The following VSNL1 variants were observed in gnomAD, a reference collection of about 807,000 sequenced individuals.
The protein encoded by VSNL1 is visinin-like protein 1.
In VSNL1, 6 loss-of-function variants were observed where a neutral mutation model predicts 20.4. That is an observed-to-expected ratio of 0.29 (90% CI 0.16 to 0.58). The LOEUF (loss-of-function observed/expected upper bound fraction) is 0.58, where lower values mean the gene tolerates loss of function less well. Ranked by LOEUF, VSNL1 falls within the 20% of genes least tolerant of loss-of-function variation. VSNL1 has a pLI of 0.90. For missense variants in VSNL1, 100 were observed against 234.5 expected, an observed-to-expected ratio of 0.43 and a Z score of 3.75; for synonymous variants, 93 against 86.4, an observed-to-expected ratio of 1.08 and a Z score of -0.42.
At chr2:17,602,168 T>C (rs972119313) in intron 2 of VSNL1, among the ~76,000 whole-genome samples, 3 of 152,176 alleles carry the variant, frequency 2.0e-5, no homozygotes, top group Non-Finnish European at 4.4e-5. Context: ...TGCCCTCCAG[T>C]GGCCCATGGA....
chr2:17,553,855 G>T (rs1663610381), intron 1 of VSNL1, among the ~76,000 whole-genome samples: 1 of 152,100 alleles, frequency 6.6e-6, no homozygotes, highest in Admixed American at 6.5e-5. Flanking sequence ...ACTCATTGGT[G>T]GTTATTATTA....
rs62132131 is a variant in VSNL1 at position 17,598,263 on chromosome 2, C to T, written c.162+6027C>T. ...TAATTATAGGATTTTAGGTGCATAA[C>T]CTCTGTCTTATAGAATATGAAATAA... On this transcript the variant is annotated intron_variant, in intron 2 of 3. Transcript: ENST00000295156. Among the ~76,000 whole-genome samples the T allele has an allele frequency of 7.3e-3, 1,109 of 152,326 alleles. 6 individuals carry two copies. The highest frequency in any genetic ancestry group is 0.012 in the Admixed American group (185 of 15,294).
At chr2:17,548,896 T>A (rs987732743) in intron 1 of VSNL1, among the ~76,000 whole-genome samples, 1 of 152,212 alleles carries the variant, frequency 6.6e-6, no homozygotes, top group Middle Eastern at 3.2e-3. Flanking sequence ...TTCATTTGTT[T>A]AAGACATGTC....
At chr2:17,569,568 A>G (rs1437056927) in intron 1 of VSNL1, among the ~76,000 whole-genome samples, 3 of 151,962 alleles carry the variant, frequency 2.0e-5, no homozygotes, top group Admixed American at 6.5e-5. Context: ...TAGCTTCATT[A>G]TCTCTTAATG....
At chr2:17,599,867 T>A (rs1419638405) in intron 2 of VSNL1, among the ~76,000 whole-genome samples, 1 of 152,016 alleles carries the variant, frequency 6.6e-6, no homozygotes, top group East Asian at 1.9e-4. Flanking sequence ...GTCCTGGGAG[T>A]CACATTCAGG....
chr2:17,611,437 G>A (rs1665084009), intron 2 of VSNL1, among the ~76,000 whole-genome samples: 1 of 152,242 alleles, frequency 6.6e-6, no homozygotes, highest in Non-Finnish European at 1.5e-5. Flanking sequence ...GAGGGTGTCA[G>A]TGATTATGCT....
chr2:17,568,404 A>G (rs868363595), intron 1 of VSNL1, among the ~76,000 whole-genome samples: 2 of 152,148 alleles, frequency 1.3e-5, no homozygotes, highest in Non-Finnish European at 1.5e-5. Flanking sequence ...AGTAGCTAGG[A>G]CTATAGGTAC....
chr2:17,592,651 T>C (rs1008262615), intron 2 of VSNL1, among the ~76,000 whole-genome samples: 1,464 of 40,628 alleles, frequency 0.036, 116 homozygotes, highest in African/African-American at 0.11. Flanking sequence ...TTTTTTTTTT[T>C]TTTTTTTTTT....
intron 2 of VSNL1, among the ~76,000 whole-genome samples, chr2:17,595,523 A>G (rs953555242): frequency 1.3e-5 from 2 of 152,178 alleles, no homozygotes; most frequent in African/African-American, 4.8e-5. Context: ...TTTAGAAAAC[A>G]AAATTGTCCC....
At chr2:17,607,792 A>T (rs1664983088) in intron 2 of VSNL1, among the ~76,000 whole-genome samples, 1 of 152,284 alleles carries the variant, frequency 6.6e-6, no homozygotes, top group Non-Finnish European at 1.5e-5. Flanking sequence ...AGCTTAACTG[A>T]AACTCAGTTG....
chr2:17,628,323 A>C (rs2103409421), intron 2 of VSNL1, among the ~76,000 whole-genome samples: 1 of 152,330 alleles, frequency 6.6e-6, no homozygotes, highest in East Asian at 1.9e-4. Flanking sequence ...GAATTTGAAT[A>C]AAAACAAATA....
At chr2:17,566,560 GT>G (rs1245115394) in intron 1 of VSNL1, among the ~76,000 whole-genome samples, 1 of 151,938 alleles carries the variant, frequency 6.6e-6, no homozygotes, top group Admixed American at 6.5e-5. Flanking sequence ...TAATAGGATT[GT>G]TTGTCTTTTT....
intron 1 of VSNL1, among the ~76,000 whole-genome samples, chr2:17,566,429 A>AT (rs1202458026): frequency 1.3e-5 from 2 of 152,130 alleles, no homozygotes; most frequent in African/African-American, 2.4e-5. Context: ...ATAATATTAA[A>AT]TTTTTAAATC....
intron 1 of VSNL1, among the ~76,000 whole-genome samples, chr2:17,579,890 C>G (rs1355451037): frequency 1.4e-4 from 22 of 152,146 alleles, no homozygotes; most frequent in Admixed American, 1.0e-3. Flanking sequence ...TAGGCTCATT[C>G]TATTTAGCTC....
intron 2 of VSNL1, among the ~76,000 whole-genome samples, chr2:17,597,000 T>C (rs1664726212): frequency 6.6e-6 from 1 of 152,218 alleles, no homozygotes; most frequent in Non-Finnish European, 1.5e-5. Flanking sequence ...GAAAATAAGT[T>C]TCATTTCACA....
intron 1 of VSNL1, among the ~76,000 whole-genome samples, chr2:17,563,027 C>T (rs1663854935): frequency 6.6e-6 from 1 of 152,182 alleles, no homozygotes; most frequent in Non-Finnish European, 1.5e-5. Flanking sequence ...TTAACACTAC[C>T]TCCTTGAACT....
rs182317767 is a variant in VSNL1 at position 17,545,032 on chromosome 2, C to T, written c.-6+4114C>T. Among the ~76,000 whole-genome samples the T allele has an allele frequency of 1.4e-4, 22 of 152,182 alleles. No homozygotes were observed. In the East Asian group the frequency reaches 3.7e-3, roughly 25 times the overall value. On this transcript the variant is annotated intron_variant, in intron 1 of 3. Coordinates refer to ENST00000295156, the MANE Select transcript of VSNL1 (RefSeq NM_003385.5). ...TTTTTTTATCTTAAAGACACCCCTA[C>T]AATATGAATTCGTTGTCTGGAAAAG... is the stretch of plus-strand genomic sequence containing the variant.
At position 17,655,308 on chromosome 2, in the gene VSNL1, G is replaced by A; in HGVS notation, c.490G>A (p.Asp164Asn). The change falls in exon 4 of 4, where the codon GAC becomes AAC. Residue 164 changes from aspartate (D) to asparagine (N), a missense_variant. Physicochemically the swap from Asp to Asn is conservative, Grantham distance 23. Transcript: ENST00000295156. This position sits in a 1 kb window ranked among gnomAD's most constrained non-coding sequence, Gnocchi z 5.2. ...CAGCAAGATGGATAAGAACAAAGAT[G>A]ACCAGATTACACTGGATGAATTCAA... ...IFSKMDKNKD[D>N]QITLDEFKEA... is the part of the protein sequence containing the mutation. The A allele has an allele frequency of 1.2e-6, 2 of 1,614,120 alleles. No individual in the cohort carries two copies. The highest frequency in any genetic ancestry group is 1.7e-6 in the Non-Finnish European group (2 of 1,180,022).
intron 1 of VSNL1, among the ~76,000 whole-genome samples, chr2:17,585,504 T>C (rs1664449750): frequency 6.6e-6 from 1 of 151,032 alleles, no homozygotes; most frequent in African/African-American, 2.4e-5. Context: ...AAGGGGGTGG[T>C]GCTGGGGGTT....
Sources: allele counts gnomAD v4.1 joint callset (sites outside exome capture counted in the v4.1 genomes callset), GRCh38; gene constraint gnomAD v4.1.1; non-coding constraint Gnocchi (gnomAD v3.1); transcripts MANE v1.5; gene names NCBI Gene and HGNC (gene_info 2026-07-23, HGNC 2026-07-21).